The following APBA1 variants were observed in gnomAD, a reference collection of about 807,000 sequenced individuals.
The protein encoded by APBA1 is amyloid beta precursor protein binding family A member 1.
Under a neutral mutation model 86.6 loss-of-function variants are expected in APBA1, and 55 were observed. The ratio of observed to expected loss-of-function variants is 0.64; its 90% CI spans 0.51 to 0.80. The LOEUF (loss-of-function observed/expected upper bound fraction) is 0.80. Ranked by LOEUF, APBA1 falls within the 30% of genes least tolerant of loss-of-function variation. The probability of loss-of-function intolerance (pLI) is 0.00; values close to 1 mark genes in which losing one functional copy is unlikely to be tolerated. For missense variants in APBA1, 1,090 were observed against 1,183.0 expected, an observed-to-expected ratio of 0.92 and a Z score of 1.15; for synonymous variants, 511 against 493.9, an observed-to-expected ratio of 1.03 and a Z score of -0.46.
chr9:69,630,061 T>C (rs796215806), intron 1 of APBA1, among the ~76,000 whole-genome samples: 17 of 31,242 alleles, frequency 5.4e-4, no homozygotes, highest in African/African-American at 7.9e-4. Flanking sequence ...ATATGTGCTA[T>C]ATTAAAAAAA....
chr9:69,434,901 C>T (rs899691198), intron 11 of APBA1, among the ~76,000 whole-genome samples: 5 of 150,570 alleles, frequency 3.3e-5, no homozygotes, highest in African/African-American at 1.2e-4. Context: ...CCCATTAACT[C>T]GTCATTTAGC....
chr9:69,602,095 A>G (rs1368527268), intron 1 of APBA1, among the ~76,000 whole-genome samples: 1 of 152,234 alleles, frequency 6.6e-6, no homozygotes, highest in Non-Finnish European at 1.5e-5. Context: ...AAGGCATATA[A>G]TTTATTAATC....
intron 1 of APBA1, among the ~76,000 whole-genome samples, chr9:69,540,962 A>C (rs1836599465): frequency 6.6e-6 from 1 of 152,228 alleles, no homozygotes; most frequent in Non-Finnish European, 1.5e-5. Flanking sequence ...TTTTTCTGTG[A>C]CTAGCTTATT....
intron 1 of APBA1, among the ~76,000 whole-genome samples, chr9:69,569,327 AGT>A (rs963515486): frequency 1.3e-5 from 2 of 152,158 alleles, no homozygotes; most frequent in African/African-American, 4.8e-5. Flanking sequence ...TATTTGAGAG[AGT>A]GTGTGAGAAT....
chr9:69,487,610 G>A (rs960260688), intron 2 of APBA1, among the ~76,000 whole-genome samples: 49 of 152,006 alleles, frequency 3.2e-4, no homozygotes, highest in African/African-American at 1.2e-3. Context: ...TGCATTCAAG[G>A]ATTGATGGAT....
chr9:69,532,477 G>A (rs1241169221), intron 1 of APBA1, among the ~76,000 whole-genome samples: 1 of 152,158 alleles, frequency 6.6e-6, no homozygotes, highest in Non-Finnish European at 1.5e-5. Flanking sequence ...ATATCGCCCT[G>A]TGACATCTGT....
In APBA1 at chr9:69,430,235, C is replaced by T. The variant is rs534631350; in HGVS notation, c.*1092G>A. The stretch of plus-strand genomic sequence containing the variant: ...TCTTGCCTTGGGCCAGAAAACAAGA[C>T]GCAATTGCACCTGCAGCTTGCCTTC... On this transcript the variant is annotated 3_prime_UTR_variant, in exon 13 of 13. Transcript: ENST00000265381. The T allele has an allele frequency of 6.6e-6, 1 of 152,406 alleles. No individual in the cohort carries two copies. Among genetic ancestry groups the T allele is most frequent in the African/African-American group, 2.4e-5 (1 of 41,596 alleles). 9.4% of individuals were successfully genotyped at this position (152,406 alleles called of 1,614,324 possible). A position where few individuals can be genotyped will look rare whatever the true frequency, so the allele number is the denominator to read the frequency against.
chr9:69,551,492 G>T (rs907148269), intron 1 of APBA1, among the ~76,000 whole-genome samples: 2 of 151,418 alleles, frequency 1.3e-5, no homozygotes, highest in African/African-American at 4.9e-5. Context: ...GGCGGAGGTT[G>T]CAGTCAGCTG....
intron 1 of APBA1, among the ~76,000 whole-genome samples, chr9:69,522,041 C>T (rs554379375): frequency 2.3e-4 from 35 of 150,326 alleles, no homozygotes; most frequent in Non-Finnish European, 2.1e-4. Flanking sequence ...TTTCTCTCTC[C>T]GTCTCACACA....
intron 11 of APBA1, among the ~76,000 whole-genome samples, chr9:69,433,258 G>A (rs2133781113): frequency 6.6e-6 from 1 of 152,324 alleles, no homozygotes; most frequent in Middle Eastern, 3.4e-3. Context: ...TGATGGCACA[G>A]CCAGGTACCA....
chr9:69,534,087 A>G (rs1346515862), intron 1 of APBA1, among the ~76,000 whole-genome samples: 1 of 152,258 alleles, frequency 6.6e-6, no homozygotes, highest in Non-Finnish European at 1.5e-5. Flanking sequence ...AATTCAAAAT[A>G]TGCAAACAAC....
rs1219008528 is a variant in APBA1 at position 69,516,913 on chromosome 9, C to T, written c.298G>A (p.Ala100Thr). Residue 100 changes from alanine to threonine, a missense_variant, in exon 2 of 13, where the codon GCC becomes ACC. By Grantham distance (58) the Ala-to-Thr change is moderately conservative. Around this residue, in one of 6 missense-constraint regions of APBA1, gnomAD observed 678 missense variants for 647.1 expected, o/e 1.05. Coordinates refer to ENST00000265381, the MANE Select transcript of APBA1 (RefSeq NM_001163.4). This position sits in a 1 kb window ranked among gnomAD's most constrained non-coding sequence, Gnocchi z 7.3. ...CGCTCCGCATCGTAGCCGTCGCGGG[C>T]CGCGGCGATCACGTCGCCCTCGGCG... is the stretch of plus-strand genomic sequence containing the variant. ...DTAEGDVIAA[A>T]RDGYDAERAQ... 7.5e-6 allele frequency: 12 copies of T among 1,594,358 alleles called. No homozygotes were observed. Among genetic ancestry groups the T allele is most frequent in the Admixed American group, 1.7e-5 (1 of 59,346 alleles).
In APBA1 at chr9:69,429,321, C is replaced by T. The variant is rs985889616; in HGVS notation, c.*2006G>A. 1.3e-5 allele frequency: 2 copies of T among 152,282 alleles called. No homozygotes were observed. The highest frequency in any genetic ancestry group is 2.9e-5 in the Non-Finnish European group (2 of 68,068). The allele number at this position is 152,282 out of a possible 1,614,324, so 9.4% of individuals were successfully genotyped here. On this transcript the variant is annotated 3_prime_UTR_variant, in exon 13 of 13. Coordinates refer to ENST00000265381, the MANE Select transcript of APBA1 (RefSeq NM_001163.4). ...CAAATGGAGAACCCTGGCCATGGTT[C>T]CTTCCTGGTCCTCACGTTTGTGATG... is the stretch of plus-strand genomic sequence containing the variant.
At chr9:69,530,174 G>C (rs1348277206) in intron 1 of APBA1, among the ~76,000 whole-genome samples, 1 of 151,818 alleles carries the variant, frequency 6.6e-6, no homozygotes, top group African/African-American at 2.4e-5. Context: ...CAAAGAAAAA[G>C]AAATCATTAT....
At position 69,449,719 on chromosome 9, in the gene APBA1, G is replaced by C. The variant is rs981233867; in HGVS notation, c.2046C>G (p.Thr682=). 1 of 1,613,930 alleles carries C rather than the reference G, an allele frequency of 6.2e-7. No individual in the cohort carries two copies. The highest frequency in any genetic ancestry group is 1.7e-5 in the Admixed American group (1 of 60,004). The part of the protein sequence containing the change: ...VESGWGSILP[T]VIIANMMHGG... ...CATGCATCATGTTGGCAATGATCAC[G>C]GTGGGGAGGATGGATCCCCAGCCAG... Residue 682 remains threonine (T), a synonymous_variant, in exon 10 of 13, where the codon ACC becomes ACG. Transcript: ENST00000265381.
chr9:69,530,759 A>G (rs1162142002), intron 1 of APBA1, among the ~76,000 whole-genome samples: 2 of 152,194 alleles, frequency 1.3e-5, no homozygotes, highest in African/African-American at 4.8e-5. Context: ...TGAAGACAGC[A>G]TAGGGAAGAC....
At chr9:69,492,925 G>C (rs4744569) in intron 2 of APBA1, among the ~76,000 whole-genome samples, 111,366 of 151,910 alleles carry the variant, frequency 0.73, 41,103 homozygotes, top group East Asian at 0.82. Flanking sequence ...AAAAATTACA[G>C]AGTTTTGCCA....
chr9:69,485,179 G>A (rs1835587331), intron 2 of APBA1, among the ~76,000 whole-genome samples: 1 of 151,926 alleles, frequency 6.6e-6, no homozygotes, highest in Non-Finnish European at 1.5e-5. Flanking sequence ...TGGGCTCCAA[G>A]GACACTCTTG....
rs1481335256 is a variant in APBA1, at chr9:69,471,670, G to A, written c.1322C>T (p.Pro441Leu). ...TCAGCTCTTACCTTCAACGTAGGTTGGGAATGAAGCCAAGCTTTTTCTTGA... is the reference window on the plus strand; with the variant it reads ...TCAGCTCTTACCTTCAACGTAGGTTAGGAATGAAGCCAAGCTTTTTCTTGA... ...KESRKSLASF[P>L]TYVEVPGPCD... Residue 441 changes from proline to leucine, a missense_variant, in exon 4 of 13, where the codon CCA becomes CTA. Coordinates refer to ENST00000265381, the MANE Select transcript of APBA1 (RefSeq NM_001163.4). 11 of 1,613,398 alleles carry A rather than the reference G, an allele frequency of 6.8e-6. No homozygotes were observed. The highest frequency in any genetic ancestry group is 9.3e-6 in the Non-Finnish European group (11 of 1,179,754).
Sources: allele counts gnomAD v4.1 joint callset (sites outside exome capture counted in the v4.1 genomes callset), GRCh38; gene constraint gnomAD v4.1.1; regional missense constraint gnomAD v4.1.1; non-coding constraint Gnocchi (gnomAD v3.1); transcripts MANE v1.5; gene names NCBI Gene and HGNC (gene_info 2026-07-23, HGNC 2026-07-21).